BCAS4: variants seen among roughly 807,000 people sequenced by gnomAD.
BCAS4 encodes breast carcinoma-amplified sequence 4.
A neutral mutation model predicts 15.7 loss-of-function variants in BCAS4; 9 were observed. The ratio of observed to expected loss-of-function variants is 0.57; its 90% confidence interval spans 0.34 to 1.00. The LOEUF (loss-of-function observed/expected upper bound fraction) is 1.00, where lower values mean the gene tolerates loss of function less well. Ranked by LOEUF, BCAS4 falls within the 50% of genes least tolerant of loss-of-function variation. The pLI, the probability that BCAS4 is intolerant of heterozygous loss-of-function variation, is 0.02. For missense variants in BCAS4, 225 were observed against 239.1 expected (o/e 0.94, Z 0.39); for synonymous variants, 101 against 99.5 (o/e 1.02, Z -0.09).
intron 4 of BCAS4, among the ~76,000 whole-genome samples, chr20:50,872,323 C>T (rs2122686664): frequency 7.0e-6 from 1 of 142,886 alleles, no homozygotes; most frequent in South Asian, 2.2e-4. Context: ...GTAATTCCAG[C>T]ACTTTGGGAG....
intron 4 of BCAS4, among the ~76,000 whole-genome samples, chr20:50,856,615 G>C (rs1188476588): frequency 6.6e-6 from 1 of 152,148 alleles, no homozygotes; most frequent in Non-Finnish European, 1.5e-5. Flanking sequence ...GCTCTTTGCT[G>C]GCCTAGACCT....
chr20:50,871,275 G>C (rs1600906551), intron 4 of BCAS4, among the ~76,000 whole-genome samples: 1 of 152,340 alleles, frequency 6.6e-6, no homozygotes, highest in South Asian at 2.1e-4. Flanking sequence ...CTCCTCCCTT[G>C]CAGGCTGCCA....
At chr20:50,830,070 A>G (rs1225936524) in intron 2 of BCAS4, among the ~76,000 whole-genome samples, 7 of 152,222 alleles carry the variant, frequency 4.6e-5, no homozygotes, top group African/African-American at 7.2e-5. Context: ...GGTTCAGTAC[A>G]TAATACCTGG....
At chr20:50,830,736 G>C (rs2088333717) in intron 3 of BCAS4, among the ~76,000 whole-genome samples, 1 of 152,172 alleles carries the variant, frequency 6.6e-6, no homozygotes, top group Non-Finnish European at 1.5e-5. Flanking sequence ...TCTAGTCCCA[G>C]CTACTTGGGA....
chr20:50,831,360 C>T (rs1352327233), intron 3 of BCAS4, among the ~76,000 whole-genome samples: 3 of 151,994 alleles, frequency 2.0e-5, no homozygotes, highest in Admixed American at 6.6e-5. Context: ...TTGCAGTGAG[C>T]CAAGATTGCA....
chr20:50,861,455 A>G (rs578164986), intron 4 of BCAS4, among the ~76,000 whole-genome samples: 1 of 152,234 alleles, frequency 6.6e-6, no homozygotes, highest in Non-Finnish European at 1.5e-5. Flanking sequence ...GAGTGAAATG[A>G]CAAGGGTGCG....
chr20:50,803,858 A>G (rs2123750245), intron 1 of BCAS4, among the ~76,000 whole-genome samples: 1 of 150,290 alleles, frequency 6.7e-6, no homozygotes, highest in East Asian at 2.0e-4. Flanking sequence ...CCCATCCCTG[A>G]GTATTCTGAT....
chr20:50,797,152 T>G (rs2087875792), intron 1 of BCAS4, among the ~76,000 whole-genome samples: 1 of 152,152 alleles, frequency 6.6e-6, no homozygotes, highest in East Asian at 1.9e-4. Context: ...TATATTAGTT[T>G]TAAATGAAAC....
chr20:50,802,382 C>G (rs1330307911), intron 1 of BCAS4, among the ~76,000 whole-genome samples: 1 of 152,152 alleles, frequency 6.6e-6, no homozygotes, highest in Non-Finnish European at 1.5e-5. Context: ...AAGGCAGGTG[C>G]TGGGAGAGGC....
In BCAS4 at chr20:50,804,651, A is replaced by G. The variant is rs74843556; in HGVS notation, c.90+9478A>G. Among the ~76,000 whole-genome samples the G allele has an allele frequency of 7.8e-3, 1,188 of 152,350 alleles. 13 individuals are homozygous for G. The highest frequency in any genetic ancestry group is 0.027 in the African/African-American group (1,143 of 41,576). ...TGAGTGCGTTTAGGGCAGTATGGCC[A>G]TAGACAGCACATGCATTTTAAATGT... On this transcript the variant is annotated intron_variant, in intron 1 of 4. Coordinates refer to ENST00000371608, the MANE Select transcript of BCAS4 (RefSeq NM_198799.4).
At chr20:50,825,453 G>A (rs2088268365) in intron 2 of BCAS4, among the ~76,000 whole-genome samples, 2 of 152,184 alleles carry the variant, frequency 1.3e-5, no homozygotes. Context: ...TCAGCCCCTA[G>A]GATTGCCTTC....
chr20:50,852,277 T>C (rs146193784), intron 4 of BCAS4, among the ~76,000 whole-genome samples: 1 of 152,198 alleles, frequency 6.6e-6, no homozygotes, highest in Non-Finnish European at 1.5e-5. Flanking sequence ...AGAGGCCAGG[T>C]TGGGGCTGTG....
intron 4 of BCAS4, 138 bp downstream of exon 4, chr20:50,842,038 G>A (rs752057828): frequency 1.5e-4 from 171 of 1,134,812 alleles, no homozygotes; most frequent in Non-Finnish European, 1.9e-4. Context: ...GGGTACAGGC[G>A]GCCAGGCACC....
At chr20:50,810,651 C>T (rs563274478) in intron 1 of BCAS4, among the ~76,000 whole-genome samples, 10 of 146,712 alleles carry the variant, frequency 6.8e-5, no homozygotes, top group South Asian at 4.3e-4. Flanking sequence ...AGTGCAGTGG[C>T]GCGATCTCGG....
chr20:50,840,549 A>G (rs538562236), intron 3 of BCAS4: 21 of 1,499,968 alleles, frequency 1.4e-5, no homozygotes, highest in Non-Finnish European at 1.9e-5. Flanking sequence ...TTAAACAGCT[A>G]AAAGAAGTAA....
chr20:50,838,215 T>C (rs907919509), intron 3 of BCAS4, among the ~76,000 whole-genome samples: 2 of 152,262 alleles, frequency 1.3e-5, no homozygotes, highest in African/African-American at 4.8e-5. Context: ...CCCTGTCTCC[T>C]GGACCAGGCT....
intron 4 of BCAS4, among the ~76,000 whole-genome samples, chr20:50,864,757 G>A (rs567712695): frequency 3.3e-5 from 5 of 152,034 alleles, no homozygotes; most frequent in African/African-American, 7.2e-5. Flanking sequence ...TTATTCCCCC[G>A]GCACTTTGCA....
intron 1 of BCAS4, among the ~76,000 whole-genome samples, chr20:50,805,900 C>G (rs2087983447): frequency 6.6e-6 from 1 of 151,414 alleles, no homozygotes; most frequent in Non-Finnish European, 1.5e-5. Flanking sequence ...TTGCTTGAAC[C>G]TGGGAGGCAG....
chr20:50,837,634 T>G (rs566847827), intron 3 of BCAS4, among the ~76,000 whole-genome samples: 4 of 152,316 alleles, frequency 2.6e-5, no homozygotes, highest in African/African-American at 9.6e-5. Flanking sequence ...CACCACATCC[T>G]GGCTGTGTGG....
Sources: gnomAD v4.1 joint callset for allele counts (sites outside exome capture counted in the v4.1 genomes callset) on GRCh38, gnomAD v4.1.1 for gene constraint, MANE v1.5 for transcripts, NCBI Gene and HGNC (gene_info 2026-07-23, HGNC 2026-07-21) for gene names.